The following AFAP1 variants were observed in gnomAD, a reference collection of about 807,000 sequenced individuals.
AFAP1 encodes the protein actin filament-associated protein 1.
In AFAP1, 75 loss-of-function variants were observed where a neutral mutation model predicts 93.9. The ratio of observed to expected loss-of-function variants is 0.80; its 90% CI spans 0.66 to 0.97. The LOEUF (loss-of-function observed/expected upper bound fraction) is 0.97. Ranked by LOEUF, AFAP1 falls within the 50% of genes least tolerant of loss-of-function variation. AFAP1 has a pLI of 0.00. For synonymous variants in AFAP1, 517 were observed against 430.7 expected (o/e 1.20, Z -2.48); for missense variants, 1,201 against 1,050.8 (o/e 1.14, Z -1.98).
Position 7,809,617 on chromosome 4 carries a change from A to G in AFAP1, c.1051T>C (p.Cys351Arg). 1 of 1,612,022 alleles carries G rather than the reference A, an allele frequency of 6.2e-7. No individual in the cohort carries two copies. The highest frequency in any genetic ancestry group is 8.5e-7 in the Non-Finnish European group (1 of 1,179,372). Residue 351 changes from cysteine (C) to arginine (R), a missense_variant, in exon 9 of 18, where the codon TGC becomes CGC. Transcript: ENST00000420658. Reference sequence around the variant, plus strand: ...TCTCCGGGAAGCGCAGTCTTACCGCAGGTGGGAACATCTTCCTCAGCTGAG... The same window carrying G: ...TCTCCGGGAAGCGCAGTCTTACCGCGGGTGGGAACATCTTCCTCAGCTGAG... ...TSSAEEDVPT[C>R]GYLNVLSNSR...
In AFAP1 at chr4:7,882,811, A is replaced by T. The variant is rs187809300; in HGVS notation, c.-2-10731T>A. On this transcript the variant is annotated intron_variant, in intron 1 of 17. Coordinates refer to ENST00000420658, the MANE Select transcript of AFAP1 (RefSeq NM_001134647.2). ...GAGGCGGAGGCTGCAGTGAGCCGAGATAGAGCCACTGCACTCCAGCCTGGT... is the reference window on the plus strand; with the variant it reads ...GAGGCGGAGGCTGCAGTGAGCCGAGTTAGAGCCACTGCACTCCAGCCTGGT... Among the ~76,000 whole-genome samples the T allele has an allele frequency of 7.2e-3, 1,093 of 152,124 alleles. 46 individuals carry two copies. The East Asian group carries it at 0.08, about 11-fold the overall frequency.
chr4:7,916,043 G>A (rs555703254), intron 1 of AFAP1, among the ~76,000 whole-genome samples: 2 of 152,288 alleles, frequency 1.3e-5, no homozygotes, highest in South Asian at 2.1e-4. Context: ...GTCCCCACCT[G>A]CTGGGGAGAG....
At chr4:7,931,573 A>C (rs1292166290) in intron 1 of AFAP1, among the ~76,000 whole-genome samples, 3 of 145,608 alleles carry the variant, frequency 2.1e-5, no homozygotes, top group African/African-American at 7.8e-5. Context: ...GTAGAGGTGG[A>C]GGTCTCGCTA....
At chr4:7,898,069 T>G (rs1173731572) in intron 1 of AFAP1, among the ~76,000 whole-genome samples, 1 of 152,184 alleles carries the variant, frequency 6.6e-6, no homozygotes, top group Admixed American at 6.5e-5. Flanking sequence ...TTCCTCATCC[T>G]TCCCAACCAG....
chr4:7,793,923 T>G, intron 10 of AFAP1, 97 bp from the exon 11 acceptor site: 1 of 1,285,838 alleles, frequency 7.8e-7, no homozygotes, highest in Non-Finnish European at 1.0e-6. Context: ...GGAAAGGCGA[T>G]GAAACATGAT....
At chr4:7,913,195 C>A (rs1173101420) in intron 1 of AFAP1, among the ~76,000 whole-genome samples, 1 of 152,056 alleles carries the variant, frequency 6.6e-6, no homozygotes, top group Non-Finnish European at 1.5e-5. Flanking sequence ...TCCAGACCAG[C>A]CTGAGCAACA....
At chr4:7,849,026 C>T (rs1046899959) in intron 4 of AFAP1, among the ~76,000 whole-genome samples, 4 of 152,162 alleles carry the variant, frequency 2.6e-5, no homozygotes, top group African/African-American at 9.7e-5. Flanking sequence ...GGGGCCATGC[C>T]TTCTCTCCAC....
chr4:7,868,778 C>T (rs1716723628), intron 2 of AFAP1, 59 bp from the exon 3 acceptor site: 4 of 1,397,182 alleles, frequency 2.9e-6, no homozygotes, highest in Non-Finnish European at 4.0e-6. Flanking sequence ...AAGGGTACCA[C>T]TAGCATCTAT....
At chr4:7,798,284 C>T (rs983863668) in intron 10 of AFAP1, among the ~76,000 whole-genome samples, 1 of 148,108 alleles carries the variant, frequency 6.8e-6, no homozygotes, top group African/African-American at 2.5e-5. Flanking sequence ...ACTCTACTGG[C>T]TGGCTCACGG....
At chr4:7,833,799 A>G (rs908058655) in intron 6 of AFAP1, among the ~76,000 whole-genome samples, 5 of 152,010 alleles carry the variant, frequency 3.3e-5, no homozygotes, top group African/African-American at 1.2e-4. Context: ...CGTGTTATCC[A>G]GGATAGTCCC....
chr4:7,807,312 T>G (rs1385735078), intron 9 of AFAP1, among the ~76,000 whole-genome samples: 1 of 152,246 alleles, frequency 6.6e-6, no homozygotes, highest in Non-Finnish European at 1.5e-5. Flanking sequence ...CTATTGTTAA[T>G]CGATAACTCT....
At chr4:7,889,600 T>C (rs1403339106) in intron 1 of AFAP1, among the ~76,000 whole-genome samples, 1 of 147,320 alleles carries the variant, frequency 6.8e-6, no homozygotes, top group Non-Finnish European at 1.5e-5. Flanking sequence ...AAGTTTTTCA[T>C]ATTCTTTATC....
chr4:7,868,508 A>C, intron 3 of AFAP1, 114 bp downstream of exon 3: 1 of 864,660 alleles, frequency 1.2e-6, no homozygotes. Context: ...GAGTGCCTCG[A>C]GACAAATAAG....
intron 1 of AFAP1, among the ~76,000 whole-genome samples, chr4:7,909,815 C>T (rs1719630144): frequency 6.6e-6 from 1 of 152,140 alleles, no homozygotes; most frequent in African/African-American, 2.4e-5. Context: ...TTCAACTGGT[C>T]TGGAGTCAGC....
chr4:7,842,844 T>C (rs1713217454), intron 5 of AFAP1: 2 of 346,770 alleles, frequency 5.8e-6, no homozygotes, highest in East Asian at 1.2e-4. Context: ...AGTTAAAATC[T>C]TGTGCATTTC....
chr4:7,853,567 G>A (rs1056444628), intron 4 of AFAP1, among the ~76,000 whole-genome samples: 1 of 152,182 alleles, frequency 6.6e-6, no homozygotes, highest in Non-Finnish European at 1.5e-5. Context: ...AGACACAGCA[G>A]AAACTGCCCG....
At chr4:7,938,059 A>C (rs1377411970) in intron 1 of AFAP1, among the ~76,000 whole-genome samples, 3 of 152,196 alleles carry the variant, frequency 2.0e-5, no homozygotes, top group African/African-American at 7.2e-5. Flanking sequence ...ATAAGCTCTT[A>C]AAGACCAGGA....
At chr4:7,816,368 T>C (rs1162977224) in intron 7 of AFAP1, among the ~76,000 whole-genome samples, 3 of 152,226 alleles carry the variant, frequency 2.0e-5, no homozygotes, top group Non-Finnish European at 1.5e-5. Context: ...TCATGCCTAT[T>C]TCATTCAAAT....
chr4:7,928,120 C>T (rs1424760614), intron 1 of AFAP1, among the ~76,000 whole-genome samples: 1 of 152,158 alleles, frequency 6.6e-6, no homozygotes, highest in Non-Finnish European at 1.5e-5. Context: ...GCCCAGTGTT[C>T]CTCACGTAAT....
Sources: gnomAD v4.1 joint callset for allele counts (sites outside exome capture counted in the v4.1 genomes callset) on GRCh38, gnomAD v4.1.1 for gene constraint, MANE v1.5 for transcripts, NCBI Gene and HGNC (gene_info 2026-07-23, HGNC 2026-07-21) for gene names.